Variants in GAK observed in about 807,000 individuals in gnomAD.
GAK encodes the protein cyclin-G-associated kinase.
Under a neutral mutation model 143.9 loss-of-function variants are expected in GAK, and 79 were observed. The observed-to-expected ratio is 0.55, with a 90% CI of 0.46 to 0.66. The LOEUF is 0.66. Among genes scored for constraint, GAK ranks in the 30% least tolerant of loss-of-function variants. The pLI is 0.00. For synonymous variants in GAK, 881 were observed against 765.5 expected (o/e 1.15, Z -2.49); for missense variants, 1,693 against 1,779.7 (o/e 0.95, Z 0.88).
At chr4:906,386 C>T (rs536650315) in intron 4 of GAK, among the ~76,000 whole-genome samples, 2 of 152,318 alleles carry the variant, frequency 1.3e-5, no homozygotes, top group South Asian at 2.1e-4. Context: ...CCAGGGAGCC[C>T]GTCCTGCCAT....
At position 914,790 on chromosome 4, in the gene GAK, C is replaced by A. The variant is rs374617733; in HGVS notation, c.146-1122G>T. On this transcript the variant is annotated intron_variant, in intron 1 of 27. Coordinates refer to ENST00000314167, the MANE Select transcript of GAK (RefSeq NM_005255.4). ...ACACGGCCCCCAACACACACAGCCC[C>A]AGTGTGCACGGCCCCATACACACAC... Among the ~76,000 whole-genome samples, 12 of 139,756 alleles carry A rather than the reference C, an allele frequency of 8.6e-5. No individual in the cohort carries two copies. The South Asian group carries it at 1.2e-3, about 14-fold the overall frequency. 91.7% of individuals were successfully genotyped at this position (139,756 alleles called of 152,430 possible).
chr4:917,210 A>G (rs1263215906), intron 1 of GAK, among the ~76,000 whole-genome samples: 1 of 152,232 alleles, frequency 6.6e-6, no homozygotes, highest in Admixed American at 6.5e-5. Flanking sequence ...AAATGGATCT[A>G]TGGTAACAGA....
At chr4:914,494 C>T (rs1308211708) in intron 1 of GAK, among the ~76,000 whole-genome samples, 15 of 85,370 alleles carry the variant, frequency 1.8e-4, no homozygotes, top group South Asian at 1.1e-3. Flanking sequence ...ACAGCCCCAG[C>T]GTGCACGGCC....
In GAK at chr4:849,662, C is replaced by T; in HGVS notation, c.*11G>A. On this transcript the variant is annotated 3_prime_UTR_variant, in exon 28 of 28. Transcript: ENST00000314167. ...TGTGGAGCTGTGTGCGCAGCCACCA[C>T]CACTGCGGCCTCAGAAGAGGGGCCG... 2 of 1,603,368 alleles carry T rather than the reference C, an allele frequency of 1.2e-6. No individual in the cohort carries two copies. Among genetic ancestry groups the T allele is most frequent in the Middle Eastern group, 1.7e-4 (1 of 6,042 alleles).
In GAK at chr4:871,292, C is replaced by T. The variant is rs538645772; in HGVS notation, c.2055-388G>A. On this transcript the variant is annotated intron_variant, in intron 18 of 27. Coordinates refer to ENST00000314167, the MANE Select transcript of GAK (RefSeq NM_005255.4). Reference sequence around the variant, plus strand: ...GACAACATCCCACAGCTGGAGACTCCGGCACCCAGGCAGGCAGCTCTGAGG... The same window carrying T: ...GACAACATCCCACAGCTGGAGACTCTGGCACCCAGGCAGGCAGCTCTGAGG... Among the ~76,000 whole-genome samples, 15 of 152,328 alleles carry T rather than the reference C, an allele frequency of 9.8e-5. No individual in the cohort carries two copies. The South Asian group carries it at 1.2e-3, about 13-fold the overall frequency.
intron 9 of GAK, among the ~76,000 whole-genome samples, chr4:892,814 A>G (rs1164648227): frequency 1.3e-5 from 2 of 152,222 alleles, no homozygotes; most frequent in Non-Finnish European, 2.9e-5. Context: ...CTGTCCTGTC[A>G]GGGGAAGAAT....
intron 10 of GAK, 53 bp downstream of exon 10, chr4:890,479 C>A: frequency 7.2e-7 from 1 of 1,394,194 alleles, no homozygotes; most frequent in Non-Finnish European, 9.9e-7. Context: ...TGCGGGTGCC[C>A]GGGGTGCAGC....
In GAK at chr4:902,614, A is replaced by AAACAAAAAAAAC. The variant is rs796109765; in HGVS notation, c.525+2022_525+2023insGTTTTTTTTGTT. ...ACTGACTCAAAAAAAAAAAAAAAAA[A>AAACAAAAAAAAC]CCCCAAAAAACCTCTTCAGCAAAAG... On this transcript the variant is annotated intron_variant, in intron 5 of 27. Transcript: ENST00000314167. Among the ~76,000 whole-genome samples, 20 of 148,390 alleles carry AAACAAAAAAAAC rather than the reference A, an allele frequency of 1.3e-4. 1 individual carries two copies. The highest frequency in any genetic ancestry group is 3.5e-4 in the African/African-American group (14 of 39,908).
Position 877,761 on chromosome 4 carries a change from G to C in GAK, c.1710C>G (p.Pro570=). The C allele has an allele frequency of 6.2e-7, 1 of 1,612,144 alleles. No homozygotes were observed. The highest frequency in any genetic ancestry group is 2.2e-5 in the East Asian group (1 of 44,806). The change falls in exon 16 of 28, where the codon CCC becomes CCG. Residue 570 remains proline (P), a synonymous_variant. Coordinates refer to ENST00000314167, the MANE Select transcript of GAK (RefSeq NM_005255.4). The stretch of plus-strand genomic sequence containing the variant: ...CCCTCACCAGGATGGGCTTGCTGTG[G>C]GGTGTGATGGGCTCCTCCGCCACCA... The part of the protein sequence containing the change: ...CDMVAEEPIT[P]HSKPILVRAV...
intron 17 of GAK, 84 bp from the exon 18 acceptor site, chr4:876,693 G>A (rs1047298169): frequency 8.4e-7 from 1 of 1,193,428 alleles, no homozygotes; most frequent in African/African-American, 1.5e-5. Context: ...CAATGGGCGA[G>A]ATCTGAGAGC....
At chr4:912,654 G>T in intron 3 of GAK, 81 bp downstream of exon 3, 1 of 1,105,058 alleles carries the variant, frequency 9.0e-7, no homozygotes, top group Non-Finnish European at 1.3e-6. Flanking sequence ...GCAGCCTCTT[G>T]GCCACTGGCG....
In GAK at chr4:851,736, A is replaced by G. The variant is rs1375468974; in HGVS notation, c.3508+14T>C. ...CTCTGCAAACTCCACAGCAACAGAG[A>G]GTGGGGGACTCACCAAAGCTGGGTG... On this transcript the variant is annotated intron_variant, in intron 25 of 27. Coordinates refer to ENST00000314167, the MANE Select transcript of GAK (RefSeq NM_005255.4). 1.2e-6 allele frequency: 2 copies of G among 1,610,504 alleles called. No homozygotes were observed. The highest frequency in any genetic ancestry group is 2.7e-5 in the African/African-American group (2 of 74,870).
chr4:903,882 C>T lies in GAK; in HGVS notation c.525+755G>A, dbSNP rs137977934. ...CAGGCTGTGAGCACCCCCAACTGGG[C>T]GTGAAGGCCCCCAGCAGGGAGGCGG... On this transcript the variant is annotated intron_variant, in intron 5 of 27. Coordinates refer to ENST00000314167, the MANE Select transcript of GAK (RefSeq NM_005255.4). 1.5e-3 allele frequency among the ~76,000 whole-genome samples: 230 copies of T among 152,286 alleles called. 1 individual carries two copies. The highest frequency in any genetic ancestry group is 4.1e-3 in the Admixed American group (63 of 15,298).
chr4:887,095 G>C (rs368873091), intron 11 of GAK: 1 of 149,638 alleles, frequency 6.7e-6, no homozygotes, highest in African/African-American at 2.5e-5. Flanking sequence ...ACAGGCGCTC[G>C]CACAGCACTC....
chr4:861,762 T>C (rs1246797965), intron 23 of GAK, among the ~76,000 whole-genome samples: 1 of 152,158 alleles, frequency 6.6e-6, no homozygotes, highest in Non-Finnish European at 1.5e-5. Flanking sequence ...TCGGGTGATC[T>C]GGAGAGAAGG....
intron 19 of GAK, 74 bp downstream of exon 19, chr4:870,637 T>C: frequency 6.7e-7 from 1 of 1,494,672 alleles, no homozygotes; most frequent in Non-Finnish European, 9.2e-7. Flanking sequence ...CTGCCAGAGC[T>C]CAGCCAAAGG....
intron 14 of GAK, 30 bp from the exon 15 acceptor site, chr4:882,070 C>A (rs1476687248): frequency 2.5e-6 from 4 of 1,571,860 alleles, no homozygotes; most frequent in Non-Finnish European, 2.6e-6. Flanking sequence ...CTCGCGTGCG[C>A]CTCGCACTCA....
At chr4:864,588 TCA>T (rs1178400938) in intron 23 of GAK, among the ~76,000 whole-genome samples, 2 of 152,004 alleles carry the variant, frequency 1.3e-5, no homozygotes, top group Admixed American at 6.5e-5. Context: ...GGACAGACGC[TCA>T]CAGACACGAC....
chr4:883,595 C>T (rs1715622565), intron 12 of GAK, 132 bp from the exon 13 acceptor site: 16 of 1,011,724 alleles, frequency 1.6e-5, no homozygotes, highest in Admixed American at 2.0e-5. Context: ...ACTGCCCACA[C>T]AGCCGGCCCC....
Sources: allele counts gnomAD v4.1 joint callset (sites outside exome capture counted in the v4.1 genomes callset), GRCh38; gene constraint gnomAD v4.1.1; transcripts MANE v1.5; gene names NCBI Gene and HGNC (gene_info 2026-07-23, HGNC 2026-07-21).